Variants in TCF4 observed in about 807,000 individuals in gnomAD.
TCF4 encodes the protein SL3-3 enhancer factor 2.
TCF4 carries 3 observed loss-of-function variants against 82.1 expected under a neutral mutation model. The observed-to-expected ratio is 0.04, with a 90% CI of 0.02 to 0.09. TCF4 has a LOEUF of 0.09. TCF4 is among the 10% of genes least tolerant of loss of function. The probability of loss-of-function intolerance (pLI) is 1.00; values close to 1 mark genes in which losing one functional copy is unlikely to be tolerated. For missense variants in TCF4, 518 were observed against 852.7 expected, an observed-to-expected ratio of 0.61 and a Z score of 4.89; for synonymous variants, 276 against 309.6, an observed-to-expected ratio of 0.89 and a Z score of 1.14.
chr18:55,234,782 A>C, intron 15 of TCF4, 99 bp from the exon 16 acceptor site: 1 of 1,578,082 alleles, frequency 6.3e-7, no homozygotes, highest in Non-Finnish European at 8.7e-7. Flanking sequence ...GCTTTTCAAA[A>C]ACCATACTCC....
At chr18:55,513,958 T>C (rs1238173524) in intron 3 of TCF4, among the ~76,000 whole-genome samples, 1 of 152,194 alleles carries the variant, frequency 6.6e-6, no homozygotes, top group Non-Finnish European at 1.5e-5. Flanking sequence ...TCCCTTTGTA[T>C]AGAGAAGCCT....
At chr18:55,418,383 C>A (rs2094596960) in intron 5 of TCF4, among the ~76,000 whole-genome samples, 1 of 151,978 alleles carries the variant, frequency 6.6e-6, no homozygotes, top group Admixed American at 6.6e-5. Flanking sequence ...TGTTAATAAT[C>A]TAATGTAACA....
intron 15 of TCF4, among the ~76,000 whole-genome samples, chr18:55,246,750 G>A (rs921873929): frequency 6.6e-6 from 1 of 151,206 alleles, no homozygotes; most frequent in Middle Eastern, 3.4e-3. Context: ...GTATGATATT[G>A]ATAAAGTTCA....
rs148659540 is a variant in TCF4 at position 55,491,650 on chromosome 18, G to A, written c.146-27513C>T. ...TTTTCACATACCGCGCTCACACACA[G>A]AAGATTTTGTAATCTAATCAGGCTC... is the stretch of plus-strand genomic sequence containing the variant. On this transcript the variant is annotated intron_variant, in intron 3 of 19. Transcript: ENST00000354452. Among the ~76,000 whole-genome samples, 1,246 of 152,264 alleles carry A rather than the reference G, an allele frequency of 8.2e-3. 23 individuals carry two copies. Among genetic ancestry groups the A allele is most frequent in the Non-Finnish European group, 7.6e-3 (518 of 68,010 alleles).
chr18:55,391,907 C>T (rs2093136338), intron 6 of TCF4, among the ~76,000 whole-genome samples: 2 of 140,434 alleles, frequency 1.4e-5, no homozygotes, highest in Admixed American at 1.5e-4. Flanking sequence ...CACTGCACTG[C>T]AGCCTGGGCG....
chr18:55,600,714 C>A (rs2097695921), intron 2 of TCF4, among the ~76,000 whole-genome samples: 1 of 152,190 alleles, frequency 6.6e-6, no homozygotes, highest in Non-Finnish European at 1.5e-5. Context: ...CTCTTTGGGA[C>A]CATTGGAGTG....
chr18:55,300,125 C>T (rs1355978338), intron 8 of TCF4, among the ~76,000 whole-genome samples: 1 of 151,270 alleles, frequency 6.6e-6, no homozygotes, highest in Non-Finnish European at 1.5e-5. Context: ...CACACACACA[C>T]CCCACATTAA....
At chr18:55,585,774 T>G (rs2097638197) in intron 2 of TCF4, 2 of 1,096,176 alleles carry the variant, frequency 1.8e-6, no homozygotes, top group South Asian at 5.9e-5. Context: ...AGGATTTGCC[T>G]GTCATATGTG....
At chr18:55,394,936 T>A (rs1358337662) in intron 6 of TCF4, among the ~76,000 whole-genome samples, 3 of 152,234 alleles carry the variant, frequency 2.0e-5, no homozygotes, top group Non-Finnish European at 4.4e-5. Context: ...CAACGATATA[T>A]GCTTCTTTTC....
chr18:55,471,611 C>A (rs770457735), intron 3 of TCF4, among the ~76,000 whole-genome samples: 1 of 151,952 alleles, frequency 6.6e-6, no homozygotes, highest in Non-Finnish European at 1.5e-5. Context: ...ACTAAAAACA[C>A]AAAAATTAGC....
At chr18:55,543,025 T>C (rs2097177558) in intron 3 of TCF4, among the ~76,000 whole-genome samples, 1 of 152,086 alleles carries the variant, frequency 6.6e-6, no homozygotes, top group Non-Finnish European at 1.5e-5. Flanking sequence ...TAGATCACAG[T>C]GACCTGACTG....
At chr18:55,621,677 A>G (rs2097720025) in intron 2 of TCF4, among the ~76,000 whole-genome samples, 1 of 8,328 alleles carries the variant, frequency 1.2e-4, no homozygotes, top group Non-Finnish European at 1.8e-4. Flanking sequence ...TATAATATAC[A>G]TTATATATTA....
chr18:55,437,983 T>C (rs190174454), intron 5 of TCF4, among the ~76,000 whole-genome samples: 16 of 152,178 alleles, frequency 1.1e-4, no homozygotes, highest in Admixed American at 4.6e-4. Context: ...GGCGGATCAC[T>C]TGAGGTCAGG....
chr18:55,282,283 G>A (rs1346636790), intron 8 of TCF4, among the ~76,000 whole-genome samples: 1 of 152,006 alleles, frequency 6.6e-6, no homozygotes, highest in East Asian at 1.9e-4. Flanking sequence ...ACTGAATAAT[G>A]AAATGGTCAC....
chr18:55,435,073 T>A (rs1460941733), intron 5 of TCF4, among the ~76,000 whole-genome samples: 16 of 152,182 alleles, frequency 1.1e-4, no homozygotes, highest in Admixed American at 1.0e-3. Context: ...GGTCAAGTAT[T>A]CTTATTTAAC....
chr18:55,564,308 A>G (rs1335989061), intron 3 of TCF4, among the ~76,000 whole-genome samples: 2 of 152,238 alleles, frequency 1.3e-5, no homozygotes, highest in Non-Finnish European at 1.5e-5. Context: ...AAGTTATTCT[A>G]GGCACTATGA....
At chr18:55,359,897 T>C (rs937354170) in intron 6 of TCF4, among the ~76,000 whole-genome samples, 1 of 152,250 alleles carries the variant, frequency 6.6e-6, no homozygotes, top group Non-Finnish European at 1.5e-5. Flanking sequence ...ACATGATGGC[T>C]TACCTTTGTT....
rs559219493 is a variant in TCF4 at position 55,539,546 on chromosome 18, A to G, written c.145+45734T>C. ...AGAACTGTCCCATAACCCAGAGCAC[A>G]AACTTCCAAAGGAGACAAACATCCC... On this transcript the variant is annotated intron_variant, in intron 3 of 19. Transcript: ENST00000354452. 5.3e-5 allele frequency among the ~76,000 whole-genome samples: 8 copies of G among 152,324 alleles called. 1 individual carries two copies. Among genetic ancestry groups the G allele is most frequent in the Admixed American group, 3.3e-4 (5 of 15,304 alleles).
intron 8 of TCF4, 71 bp downstream of exon 8, chr18:55,350,288 C>T (rs1234597796): frequency 6.6e-7 from 1 of 1,506,022 alleles, no homozygotes; most frequent in African/African-American, 1.4e-5. Context: ...TCATTTACTT[C>T]TATCTCCTTC....
Sources: allele counts gnomAD v4.1 joint callset (sites outside exome capture counted in the v4.1 genomes callset), GRCh38; gene constraint gnomAD v4.1.1; transcripts MANE v1.5; gene names NCBI Gene and HGNC (gene_info 2026-07-23, HGNC 2026-07-21).